Variants in DLG2 observed in about 807,000 individuals in gnomAD.
DLG2 encodes the protein disks large homolog 2.
In DLG2, 45 loss-of-function variants were observed where a neutral mutation model predicts 132.5. That is an observed-to-expected ratio of 0.34 (90% CI 0.27 to 0.44). The LOEUF (loss-of-function observed/expected upper bound fraction) is 0.44, where lower values mean the gene tolerates loss of function less well. Ranked by LOEUF, DLG2 falls within the 20% of genes least tolerant of loss-of-function variation. The pLI is 1.00. For missense variants in DLG2, 1,045 were observed against 1,196.9 expected (o/e 0.87, Z 1.87); for synonymous variants, 424 against 419.6 (o/e 1.01, Z -0.13).
At chr11:83,589,097 C>G (rs1472366780) in intron 19 of DLG2, among the ~76,000 whole-genome samples, 1 of 148,854 alleles carries the variant, frequency 6.7e-6, no homozygotes, top group African/African-American at 2.5e-5. Flanking sequence ...CTTCCCCAAT[C>G]TAGCAAGGCA....
intron 6 of DLG2, among the ~76,000 whole-genome samples, chr11:84,668,255 C>T (rs2099701997): frequency 6.6e-6 from 1 of 152,134 alleles, no homozygotes. Flanking sequence ...CTGTACCCTA[C>T]ATTCTAGGGT....
At position 84,818,331 on chromosome 11, in the gene DLG2, A is replaced by C. The variant is rs527552121; in HGVS notation, c.358-283600T>G. On this transcript the variant is annotated intron_variant, in intron 6 of 27. Transcript: ENST00000376104. The stretch of plus-strand genomic sequence containing the variant: ...ATGTTTCGAAATGGAAGTGCCCTGC[A>C]TAAAGCTATAGGAAACTTTTTTGGT... Among the ~76,000 whole-genome samples the C allele has an allele frequency of 9.2e-5, 14 of 152,162 alleles. No homozygotes were observed. In the South Asian group the frequency reaches 2.5e-3, roughly 27 times the overall value.
intron 6 of DLG2, among the ~76,000 whole-genome samples, chr11:84,669,232 T>C (rs17735314): frequency 0.14 from 21,837 of 152,076 alleles, 1,947 homozygotes; most frequent in Non-Finnish European, 0.21. Flanking sequence ...GATCCTCATG[T>C]AGAACCATCA....
chr11:84,091,497 C>A (rs1389654047), intron 10 of DLG2, among the ~76,000 whole-genome samples: 1 of 152,144 alleles, frequency 6.6e-6, no homozygotes, highest in African/African-American at 2.4e-5. Flanking sequence ...TAGAAAGTCC[C>A]AAGTCCAATC....
At chr11:85,228,619 T>C (rs568058995) in intron 4 of DLG2, among the ~76,000 whole-genome samples, 29 of 152,184 alleles carry the variant, frequency 1.9e-4, no homozygotes, top group Admixed American at 1.5e-3. Context: ...CCTACTGTGT[T>C]TGATATTAAT....
chr11:84,200,208 A>T (rs1382584030), intron 8 of DLG2, among the ~76,000 whole-genome samples: 1 of 152,166 alleles, frequency 6.6e-6, no homozygotes, highest in Non-Finnish European at 1.5e-5. Flanking sequence ...TATTATTAAA[A>T]AATGTAGTCA....
intron 7 of DLG2, among the ~76,000 whole-genome samples, chr11:84,513,376 A>C (rs1223201156): frequency 6.6e-6 from 1 of 152,082 alleles, no homozygotes; most frequent in Non-Finnish European, 1.5e-5. Context: ...CAGAATAGCC[A>C]AAACTATCCT....
intron 8 of DLG2, among the ~76,000 whole-genome samples, chr11:84,204,817 T>C (rs553230467): frequency 1.3e-5 from 2 of 152,166 alleles, no homozygotes; most frequent in Admixed American, 6.5e-5. Context: ...TTCTCCTGCC[T>C]CAGCCTCCTA....
chr11:85,072,445 T>C (rs1216157164), intron 6 of DLG2, among the ~76,000 whole-genome samples: 2 of 151,886 alleles, frequency 1.3e-5, no homozygotes, highest in African/African-American at 4.8e-5. Context: ...ACATTCTAGG[T>C]GATCCAAATG....
intron 6 of DLG2, among the ~76,000 whole-genome samples, chr11:85,007,105 G>A (rs1235255859): frequency 6.6e-6 from 1 of 152,036 alleles, no homozygotes; most frequent in Non-Finnish European, 1.5e-5. Flanking sequence ...TGAATTAGAA[G>A]TCATGGTTGC....
chr11:85,057,722 CT>C (rs1322575775), intron 6 of DLG2, among the ~76,000 whole-genome samples: 1 of 151,374 alleles, frequency 6.6e-6, no homozygotes, highest in Non-Finnish European at 1.5e-5. Context: ...ACAGGCCAAT[CT>C]TTCTCATTAG....
At chr11:84,083,432 C>G (rs1489656002) in intron 10 of DLG2, among the ~76,000 whole-genome samples, 1 of 152,178 alleles carries the variant, frequency 6.6e-6, no homozygotes, top group African/African-American at 2.4e-5. Flanking sequence ...AGAACTCTAC[C>G]AGTCACAGTC....
intron 4 of DLG2, among the ~76,000 whole-genome samples, chr11:85,271,321 G>A (rs1482730973): frequency 6.6e-6 from 1 of 152,238 alleles, no homozygotes; most frequent in African/African-American, 2.4e-5. Flanking sequence ...TTCAAAGGAT[G>A]TGTGGAAACA....
At chr11:84,526,238 G>A (rs1282263269) in intron 7 of DLG2, among the ~76,000 whole-genome samples, 5 of 151,914 alleles carry the variant, frequency 3.3e-5, no homozygotes, top group Non-Finnish European at 5.9e-5. Flanking sequence ...TAAGTTAATG[G>A]ATTTAACTCC....
chr11:83,964,871 G>T lies in DLG2; in HGVS notation c.1201+453C>A, dbSNP rs1485657312. ...GTAAAAGCTATGTGATGGTGATTGA[G>T]GATCATAATTTCGCCATTCAATTGC... On this transcript the variant is annotated intron_variant, in intron 13 of 27. Coordinates refer to ENST00000376104, the MANE Select transcript of DLG2 (RefSeq NM_001142699.3). Among the ~76,000 whole-genome samples, 3 of 151,876 alleles carry T rather than the reference G, an allele frequency of 2.0e-5. No homozygotes were observed. In the East Asian group the frequency reaches 5.8e-4, roughly 29 times the overall value.
chr11:84,395,360 C>A (rs1028641361), intron 7 of DLG2, among the ~76,000 whole-genome samples: 4 of 152,028 alleles, frequency 2.6e-5, no homozygotes, highest in Admixed American at 1.3e-4. Flanking sequence ...GCAGAAGGGG[C>A]CTTAGTGCGA....
At position 84,704,102 on chromosome 11, in the gene DLG2, T is replaced by C. The variant is rs116332337; in HGVS notation, c.358-169371A>G. 9.1e-3 allele frequency among the ~76,000 whole-genome samples: 1,371 copies of C among 151,312 alleles called. 11 individuals carry two copies. The highest frequency in any genetic ancestry group is 0.013 in the African/African-American group (522 of 41,380). On this transcript the variant is annotated intron_variant, in intron 6 of 27. Transcript: ENST00000376104. The stretch of plus-strand genomic sequence containing the variant: ...TACAATATGTGTTTTAATATGCCAC[T>C]AGTCTTTTCATTTTGCACTTGAAGA...
At chr11:84,671,006 G>A (rs1029290381) in intron 6 of DLG2, among the ~76,000 whole-genome samples, 5 of 152,014 alleles carry the variant, frequency 3.3e-5, no homozygotes, top group Admixed American at 1.3e-4. Context: ...TAAAAACATA[G>A]TGCATACCCT....
chr11:85,171,146 C>T (rs2078840011), intron 4 of DLG2, among the ~76,000 whole-genome samples: 1 of 152,144 alleles, frequency 6.6e-6, no homozygotes, highest in African/African-American at 2.4e-5. Flanking sequence ...GAAGCAGCTG[C>T]AGTCTGCAGC....
Sources: allele counts gnomAD v4.1 joint callset (sites outside exome capture counted in the v4.1 genomes callset), GRCh38; gene constraint gnomAD v4.1.1; transcripts MANE v1.5; gene names NCBI Gene and HGNC (gene_info 2026-07-23, HGNC 2026-07-21).